ATXN2: variants seen among roughly 807,000 people sequenced by gnomAD.
ATXN2 encodes the protein ataxin 2.
Under a neutral mutation model 138.6 loss-of-function variants are expected in ATXN2, and 37 were observed. The ratio of observed to expected loss-of-function variants is 0.27; its 90% CI spans 0.21 to 0.35. The LOEUF is 0.35. Ranked by LOEUF, ATXN2 falls within the 10% of genes least tolerant of loss-of-function variation. The pLI is 1.00. For synonymous variants in ATXN2, 549 were observed against 543.7 expected (o/e 1.01, Z -0.13); for missense variants, 1,216 against 1,480.3 (o/e 0.82, Z 2.93).
intron 1 of ATXN2, among the ~76,000 whole-genome samples, chr12:111,574,415 C>T (rs1402076938): frequency 2.7e-5 from 4 of 150,874 alleles, no homozygotes; most frequent in African/African-American, 7.3e-5. Flanking sequence ...ATGTAAATTC[C>T]TCATTTTCTT....
At chr12:111,554,900 A>G (rs371490664) in intron 2 of ATXN2, among the ~76,000 whole-genome samples, 1 of 152,242 alleles carries the variant, frequency 6.6e-6, no homozygotes, top group East Asian at 1.9e-4. Flanking sequence ...TTCTCCCAGC[A>G]TATCAGCATC....
chr12:111,562,786 T>C lies in ATXN2; in HGVS notation c.252-6867A>G, dbSNP rs369871397. On this transcript the variant is annotated intron_variant, in intron 1 of 24. Transcript: ENST00000673436. The stretch of plus-strand genomic sequence containing the variant: ...GGAAGAAAAGGGCATCACTACTTGG[T>C]AACACCATAGTAAATAACTGTTTCA... 1.2e-4 allele frequency among the ~76,000 whole-genome samples: 18 copies of C among 147,392 alleles called. No individual in the cohort carries two copies. In the East Asian group the frequency reaches 3.2e-3, roughly 26 times the overall value.
chr12:111,566,345 T>C (rs909634208), intron 1 of ATXN2, among the ~76,000 whole-genome samples: 2 of 150,728 alleles, frequency 1.3e-5, no homozygotes, highest in East Asian at 2.0e-4. Flanking sequence ...GGCAGGAGAA[T>C]TGCTTGAACC....
intron 1 of ATXN2, among the ~76,000 whole-genome samples, chr12:111,567,656 A>G (rs1883089943): frequency 3.3e-5 from 5 of 151,892 alleles, no homozygotes; most frequent in Admixed American, 2.0e-4. Flanking sequence ...TCTACTAAAA[A>G]TATAAAAATT....
intron 10 of ATXN2, among the ~76,000 whole-genome samples, chr12:111,514,484 T>C (rs1056957462): frequency 1.3e-5 from 2 of 152,184 alleles, no homozygotes; most frequent in Non-Finnish European, 2.9e-5. Context: ...GCCAAACTCT[T>C]TAGAACTTCA....
At chr12:111,474,579 C>T (rs913828774) in intron 18 of ATXN2, among the ~76,000 whole-genome samples, 2 of 151,862 alleles carry the variant, frequency 1.3e-5, no homozygotes, top group Non-Finnish European at 2.9e-5. Flanking sequence ...CACTCCAAGC[C>T]TGGGCAACAA....
chr12:111,536,547 G>A (rs1881188948), intron 5 of ATXN2, among the ~76,000 whole-genome samples: 2 of 152,118 alleles, frequency 1.3e-5, no homozygotes, highest in African/African-American at 4.8e-5. Context: ...ATGTAGGATT[G>A]TAAAATGATA....
At chr12:111,537,241 C>T (rs1217238130) in intron 5 of ATXN2, among the ~76,000 whole-genome samples, 1 of 152,084 alleles carries the variant, frequency 6.6e-6, no homozygotes, top group Non-Finnish European at 1.5e-5. Context: ...GAAAGAAGTA[C>T]TAATACATGC....
intron 1 of ATXN2, among the ~76,000 whole-genome samples, chr12:111,576,218 C>A (rs1008618312): frequency 6.6e-6 from 1 of 152,018 alleles, no homozygotes; most frequent in African/African-American, 2.4e-5. Context: ...TCGAGGTAGG[C>A]GGATCACTTG....
chr12:111,580,790 G>T (rs11065957), intron 1 of ATXN2, among the ~76,000 whole-genome samples: 15,028 of 151,094 alleles, frequency 0.099, 2,477 homozygotes, highest in African/African-American at 0.35. Flanking sequence ...AGGGAAGACA[G>T]GAGGAGGCAG....
Position 111,453,134 on chromosome 12 carries a change from T to C in ATXN2, c.3440-294A>G, listed in dbSNP as rs370012452. The C allele has an allele frequency of 8.5e-4, 1,036 of 1,224,520 alleles. 1 individual carries two copies. Among genetic ancestry groups the C allele is most frequent in the African/African-American group, 2.5e-3 (162 of 64,534 alleles). The allele number at this position is 1,224,520 out of a possible 1,614,324, so 75.9% of individuals were successfully genotyped here. ...CCCAAATATTAGCCAAGCACCAGTA[T>C]TGCTTTCAGAATAACAGGTCAGACT... On this transcript the variant is annotated intron_variant, in intron 24 of 24. Transcript: ENST00000673436. The surrounding 1 kb of genome is among the most constrained non-coding windows in gnomAD (Gnocchi z 5.4).
At chr12:111,454,600 CT>C (rs1874919671) in intron 23 of ATXN2, 1 of 160,552 alleles carries the variant, frequency 6.2e-6, no homozygotes, top group African/African-American at 2.4e-5. Context: ...GCCCAAACAG[CT>C]GGATTCCAGC....
At chr12:111,487,190 T>C (rs1039265406) in intron 15 of ATXN2, among the ~76,000 whole-genome samples, 1 of 152,096 alleles carries the variant, frequency 6.6e-6, no homozygotes, top group African/African-American at 2.4e-5. Context: ...GCCATTCTCT[T>C]GCCTTAGCCT....
chr12:111,556,812 T>C (rs1407892276), intron 1 of ATXN2, among the ~76,000 whole-genome samples: 1 of 139,762 alleles, frequency 7.2e-6, no homozygotes, highest in Non-Finnish European at 1.5e-5. Flanking sequence ...CAAGACTCTG[T>C]CTCAAAAAAA....
intron 14 of ATXN2, among the ~76,000 whole-genome samples, chr12:111,494,848 G>C (rs1878308559): frequency 6.6e-6 from 1 of 152,118 alleles, no homozygotes; most frequent in Middle Eastern, 3.4e-3. Flanking sequence ...GAAAAAAGGA[G>C]CGAAGAGGAA....
chr12:111,580,337 G>A (rs1883924607), intron 1 of ATXN2, among the ~76,000 whole-genome samples: 1 of 151,566 alleles, frequency 6.6e-6, no homozygotes, highest in Admixed American at 6.6e-5. Flanking sequence ...AATAAGAAAA[G>A]TAATTAGCCG....
rs577921291 is a variant in ATXN2 at position 111,516,755 on chromosome 12, A to G, written c.1166-392T>C. Among the ~76,000 whole-genome samples the G allele has an allele frequency of 6.6e-6, 1 of 152,352 alleles. No homozygotes were observed. The highest frequency in any genetic ancestry group is 2.1e-4 in the South Asian group (1 of 4,834). The stretch of plus-strand genomic sequence containing the variant: ...ATCACAATAATTCCTACTCAGGAGT[A>G]AGATTATTTACTGTATTAGTTTTAA... On this transcript the variant is annotated intron_variant, in intron 9 of 24. Coordinates refer to ENST00000673436, the MANE Select transcript of ATXN2 (RefSeq NM_001372574.1). The surrounding 1 kb of genome is among the most constrained non-coding windows in gnomAD (Gnocchi z 5.0).
intron 23 of ATXN2, chr12:111,455,701 A>G (rs955728755): frequency 5.2e-5 from 21 of 407,582 alleles, no homozygotes; most frequent in African/African-American, 2.0e-5. Flanking sequence ...ATATATATGT[A>G]CACATATATA....
intron 20 of ATXN2, among the ~76,000 whole-genome samples, chr12:111,465,030 T>C (rs1875890898): frequency 6.6e-6 from 1 of 152,096 alleles, no homozygotes; most frequent in Non-Finnish European, 1.5e-5. Context: ...TGTACCAAAA[T>C]AAAACTATTT....
Sources: gnomAD v4.1 joint callset for allele counts (sites outside exome capture counted in the v4.1 genomes callset) on GRCh38, gnomAD v4.1.1 for gene constraint, Gnocchi (gnomAD v3.1) non-coding constraint, MANE v1.5 for transcripts, NCBI Gene and HGNC (gene_info 2026-07-23, HGNC 2026-07-21) for gene names.